SV2C: variants seen among roughly 807,000 people sequenced by gnomAD.
The protein encoded by SV2C is synaptic vesicle glycoprotein 2C.
A neutral mutation model predicts 79.7 loss-of-function variants in SV2C; 49 were observed. The ratio of observed to expected loss-of-function variants is 0.61; its 90% CI spans 0.49 to 0.78. SV2C has a LOEUF of 0.78. Ranked by LOEUF, SV2C falls within the 30% of genes least tolerant of loss-of-function variation. The pLI is 0.00. For synonymous variants in SV2C, 334 were observed against 333.2 expected (o/e 1.00, Z -0.03); for missense variants, 833 against 912.9 (o/e 0.91, Z 1.13).
chr5:76,016,734 CAG>C, the SV2C span, among the ~76,000 whole-genome samples: 2 of 152,120 alleles, frequency 1.3e-5, no homozygotes, highest in Non-Finnish European at 2.9e-5. Context: ...ATGTGGACTG[CAG>C]AGAGTACTCA....
chr5:76,197,737 T>TAGATAGATAGATAGATA (rs1554039526), intron 3 of SV2C, among the ~76,000 whole-genome samples: 2 of 2,988 alleles, frequency 6.7e-4, no homozygotes, highest in Admixed American at 3.3e-3. Context: ...TAGATAGATA[T>TAGATAGATAGATAGATA]GAGACAGGAC....
chr5:75,922,188 A>C, the SV2C span, among the ~76,000 whole-genome samples: 1 of 152,174 alleles, frequency 6.6e-6, no homozygotes, highest in East Asian at 1.9e-4. Flanking sequence ...AACTGAATTT[A>C]AGGAGGACCA....
At chr5:76,278,283 G>A (rs896084246) in intron 4 of SV2C, among the ~76,000 whole-genome samples, 4 of 152,038 alleles carry the variant, frequency 2.6e-5, no homozygotes, top group African/African-American at 9.7e-5. Flanking sequence ...CTCTTGGTGG[G>A]AGAGGGACAG....
At chr5:76,348,017 T>C (rs1415425490) in intron 12 of SV2C, among the ~76,000 whole-genome samples, 1 of 152,194 alleles carries the variant, frequency 6.6e-6, no homozygotes, top group Non-Finnish European at 1.5e-5. Flanking sequence ...GTATCCACCA[T>C]TATAGAATCA....
the SV2C span, among the ~76,000 whole-genome samples, chr5:76,064,689 T>C: frequency 1.7e-3 from 261 of 152,276 alleles, 7 homozygotes; most frequent in East Asian, 0.049. Context: ...GGATCCCTTG[T>C]AGCAGAAATC....
chr5:75,931,774 T>C, the SV2C span, among the ~76,000 whole-genome samples: 1 of 152,238 alleles, frequency 6.6e-6, no homozygotes, highest in Admixed American at 6.5e-5. Flanking sequence ...GCATAGCCTT[T>C]GATTTTCACA....
rs1195488212 is a variant in SV2C, at chr5:76,333,293, C to G, written c.*7746C>G. On this transcript the variant is annotated 3_prime_UTR_variant, in exon 13 of 13. Transcript: ENST00000502798. ...AAATGTCTTTTTTAATATACACTTT[C>G]TTAGCATCCATGCAGTTATGTATCC... The G allele has an allele frequency of 2.6e-5, 4 of 152,216 alleles. No homozygotes were observed. Among genetic ancestry groups the G allele is most frequent in the African/African-American group, 9.6e-5 (4 of 41,458 alleles). 9.4% of individuals were successfully genotyped at this position (152,216 alleles called of 1,614,324 possible). A position where few individuals can be genotyped will look rare whatever the true frequency, so the allele number is the denominator to read the frequency against.
chr5:76,301,191 A>G (rs1023434888), intron 11 of SV2C, among the ~76,000 whole-genome samples, 195 bp from the exon 12 acceptor site: 2 of 152,178 alleles, frequency 1.3e-5, no homozygotes, highest in Non-Finnish European at 2.9e-5. Context: ...GATGATATGC[A>G]TTTCATACTT....
At chr5:76,198,537 C>T (rs1169097611) in intron 3 of SV2C, among the ~76,000 whole-genome samples, 5 of 152,156 alleles carry the variant, frequency 3.3e-5, no homozygotes, top group African/African-American at 1.2e-4. Flanking sequence ...TCTTTATAAA[C>T]TGCCCCACCT....
the SV2C span, among the ~76,000 whole-genome samples, chr5:75,895,598 C>T: frequency 6.6e-6 from 1 of 152,012 alleles, no homozygotes; most frequent in Non-Finnish European, 1.5e-5. Context: ...GACTTTGTAA[C>T]AGATGGGAAA....
intron 3 of SV2C, among the ~76,000 whole-genome samples, chr5:76,200,272 T>C (rs776833136): frequency 1.3e-5 from 2 of 152,204 alleles, no homozygotes; most frequent in Non-Finnish European, 1.5e-5. Flanking sequence ...CCCACATTGG[T>C]ACAGAATCCC....
rs1035688985 is a variant in SV2C, at chr5:76,339,081, G to C, written c.2001-14049G>C. Among the ~76,000 whole-genome samples the C allele has an allele frequency of 3.3e-5, 5 of 152,218 alleles. No homozygotes were observed. The South Asian group carries it at 8.3e-4, about 25-fold the overall frequency. On this transcript the variant is annotated intron_variant, in intron 12 of 12. Coordinates refer to the SV2C transcript ENST00000322285. ...ATGAGTTTGAGCAGGGTCACCTCAA[G>C]GTTTGGGAAGACGGGTCCTCTTTAA...
At chr5:76,052,953 T>TA in the SV2C span, among the ~76,000 whole-genome samples, 1 of 151,634 alleles carries the variant, frequency 6.6e-6, no homozygotes, top group Non-Finnish European at 1.5e-5. Context: ...CCAAGATTTT[T>TA]AAAAAACATT....
the SV2C span, among the ~76,000 whole-genome samples, chr5:76,058,087 G>T: frequency 6.6e-6 from 1 of 152,056 alleles, no homozygotes; most frequent in Non-Finnish European, 1.5e-5. Flanking sequence ...TTGCATTTAT[G>T]TATTTGATAA....
upstream of SV2C, among the ~76,000 whole-genome samples, chr5:76,082,558 CCTTTCTTT>C (rs142801822): frequency 3.3e-5 from 5 of 151,290 alleles, no homozygotes; most frequent in Admixed American, 1.3e-4. Flanking sequence ...CCCTCCTCCT[CCTTTCTTT>C]CTTTCTCTTT....
chr5:76,270,612 G>T (rs1302794682), intron 4 of SV2C, among the ~76,000 whole-genome samples: 1 of 152,202 alleles, frequency 6.6e-6, no homozygotes, highest in African/African-American at 2.4e-5. Flanking sequence ...CTACAGAATA[G>T]CTTGGGGACA....
the SV2C span, among the ~76,000 whole-genome samples, chr5:76,019,286 T>G: frequency 6.6e-6 from 1 of 152,100 alleles, no homozygotes; most frequent in Admixed American, 6.6e-5. Context: ...GACCATTTGG[T>G]GACCTCAGAG....
the SV2C span, among the ~76,000 whole-genome samples, chr5:76,018,991 G>C: frequency 6.6e-6 from 1 of 152,078 alleles, no homozygotes; most frequent in Non-Finnish European, 1.5e-5. Flanking sequence ...TCTGCAATAG[G>C]GATCCTTTTG....
intron 1 of SV2C, among the ~76,000 whole-genome samples, chr5:76,094,720 C>G (rs570578748): frequency 1.4e-4 from 22 of 152,204 alleles, no homozygotes; most frequent in South Asian, 1.2e-3. Context: ...TTTCTGCATA[C>G]CACACCTTCT....
Sources: gnomAD v4.1 joint callset for allele counts (sites outside exome capture counted in the v4.1 genomes callset) on GRCh38, gnomAD v4.1.1 for gene constraint, MANE v1.5 for transcripts, NCBI Gene and HGNC (gene_info 2026-07-23, HGNC 2026-07-21) for gene names.